Variants in RABGAP1L observed in about 807,000 individuals in gnomAD.
RABGAP1L encodes the protein RAB GTPase activating protein 1 like.
In RABGAP1L, 63 loss-of-function variants were observed where a neutral mutation model predicts 137.7. The observed-to-expected ratio is 0.46, with a 90% CI of 0.37 to 0.56. RABGAP1L has a LOEUF of 0.56. RABGAP1L is among the 20% of genes least tolerant of loss of function. The pLI is 0.00. For synonymous variants in RABGAP1L, 431 were observed against 433.7 expected (o/e 0.99, Z 0.08); for missense variants, 1,095 against 1,244.0 (o/e 0.88, Z 1.80).
At chr1:174,635,807 A>G (rs1361649011) in intron 13 of RABGAP1L, among the ~76,000 whole-genome samples, 5 of 152,230 alleles carry the variant, frequency 3.3e-5, no homozygotes, top group African/African-American at 9.6e-5. Flanking sequence ...TGAAATAGCA[A>G]CTGAAATGAA....
chr1:174,967,632 C>A (rs147183146), intron 20 of RABGAP1L, among the ~76,000 whole-genome samples: 1 of 152,086 alleles, frequency 6.6e-6, no homozygotes, highest in East Asian at 1.9e-4. Flanking sequence ...AGCCACTGTG[C>A]CCAGCTGTAC....
At chr1:174,599,259 A>G (rs1011979368) in intron 13 of RABGAP1L, among the ~76,000 whole-genome samples, 1 of 152,206 alleles carries the variant, frequency 6.6e-6, no homozygotes, top group Non-Finnish European at 1.5e-5. Flanking sequence ...CCCACTTTTT[A>G]ACTTCTTGTT....
rs1257349769 is a variant in RABGAP1L at position 174,498,049 on chromosome 1, TA to T, written c.1710+103905del. On this transcript the variant is annotated intron_variant, in intron 13 of 25. Coordinates refer to ENST00000681986, the MANE Select transcript of RABGAP1L (RefSeq NM_001366446.1). ...TAGAGGCTTATTTTAAAACAAGTTT[TA>T]TTTTTTTATTTCACATTTTTAAAGT... Among the ~76,000 whole-genome samples, 5 of 152,332 alleles carry T rather than the reference TA, an allele frequency of 3.3e-5. No individual in the cohort carries two copies. The East Asian group carries it at 9.6e-4, about 29-fold the overall frequency.
At chr1:174,339,238 C>A (rs901547217) in intron 11 of RABGAP1L, among the ~76,000 whole-genome samples, 2 of 151,960 alleles carry the variant, frequency 1.3e-5, no homozygotes, top group African/African-American at 4.8e-5. Flanking sequence ...AAACATGCAG[C>A]GCAAAAACTC....
At chr1:174,606,878 G>A (rs1012009895) in intron 13 of RABGAP1L, among the ~76,000 whole-genome samples, 3 of 152,116 alleles carry the variant, frequency 2.0e-5, no homozygotes, top group Non-Finnish European at 2.9e-5. Context: ...AACACAGCTA[G>A]CGTCTGAAGT....
At chr1:174,220,726 T>A in intron 2 of RABGAP1L, 1 of 279,940 alleles carries the variant, frequency 3.6e-6, no homozygotes. Context: ...TTATATAAAA[T>A]GTAGTTGGAA....
rs544074521 is a variant in RABGAP1L at position 174,541,987 on chromosome 1, T to C, written c.1711-95388T>C. ...AAGCTTTTTGATGTGCTGCTGGATT[T>C]GGTTTGCCAGTATTTTATTGAGGAT... On this transcript the variant is annotated intron_variant, in intron 13 of 25. Transcript: ENST00000681986. Among the ~76,000 whole-genome samples the C allele has an allele frequency of 3.0e-3, 453 of 152,312 alleles. 2 individuals are homozygous for C. The highest frequency in any genetic ancestry group is 5.7e-3 in the African/African-American group (235 of 41,570).
intron 13 of RABGAP1L, among the ~76,000 whole-genome samples, chr1:174,614,019 A>G (rs1046581322): frequency 6.6e-6 from 1 of 152,146 alleles, no homozygotes; most frequent in Non-Finnish European, 1.5e-5. Context: ...CCAATTTGCC[A>G]GTCTGTGTCT....
intron 11 of RABGAP1L, among the ~76,000 whole-genome samples, chr1:174,350,112 A>C (rs1682978321): frequency 7.9e-6 from 1 of 126,388 alleles, no homozygotes; most frequent in African/African-American, 3.1e-5. Flanking sequence ...TCCCTCCCGG[A>C]CGGCACGGCT....
intron 1 of RABGAP1L, among the ~76,000 whole-genome samples, chr1:174,201,304 C>T (rs1490560629): frequency 7.0e-6 from 1 of 143,782 alleles, no homozygotes; most frequent in Non-Finnish European, 1.5e-5. Flanking sequence ...TCAAGTGATT[C>T]TCCTGCCTCA....
rs1558136305 is a variant in RABGAP1L at position 174,327,994 on chromosome 1, T to TATATATATATACAC, written c.1465+22878_1465+22879insCACATATATATATA. Among the ~76,000 whole-genome samples, 5 of 77,394 alleles carry TATATATATATACAC rather than the reference T, an allele frequency of 6.5e-5. 1 individual carries two copies. In the East Asian group the frequency reaches 1.7e-3, roughly 27 times the overall value. The allele number at this position is 77,394 out of a possible 152,430, so 50.8% of individuals were successfully genotyped here. On this transcript the variant is annotated intron_variant, in intron 11 of 25. Coordinates refer to ENST00000681986, the MANE Select transcript of RABGAP1L (RefSeq NM_001366446.1). ...ATATATATATACACACACATATATA[T>TATATATATATACAC]ATATATATATATATATATATATATA...
chr1:174,239,240 C>A (rs553060561), intron 4 of RABGAP1L, among the ~76,000 whole-genome samples: 1 of 152,174 alleles, frequency 6.6e-6, no homozygotes, highest in African/African-American at 2.4e-5. Flanking sequence ...GCGTCGCTCA[C>A]GCTGGGAGCT....
In RABGAP1L at chr1:174,992,968, T is replaced by G. The variant is rs1672158635; in HGVS notation, c.*2967T>G. 1 of 152,248 alleles carries G rather than the reference T, an allele frequency of 6.6e-6. No homozygotes were observed. Among genetic ancestry groups the G allele is most frequent in the African/African-American group, 2.4e-5 (1 of 41,460 alleles). The allele number at this position is 152,248 out of a possible 1,614,324, so 9.4% of individuals were successfully genotyped here. On this transcript the variant is annotated 3_prime_UTR_variant, in exon 26 of 26. Coordinates refer to ENST00000681986, the MANE Select transcript of RABGAP1L (RefSeq NM_001366446.1). ...TCCTCTGAAAATCTAATATTTGCAG[T>G]ATCTAAGAATTGATCATTTCTATTT... is the stretch of plus-strand genomic sequence containing the variant.
At chr1:174,175,155 C>CACAT (rs3056993) in intron 1 of RABGAP1L, among the ~76,000 whole-genome samples, 86,657 of 151,726 alleles carry the variant, frequency 0.57, 27,070 homozygotes, top group African/African-American at 0.84. Flanking sequence ...TTGTATATGA[C>CACAT]ACAGACCAGT....
At chr1:174,304,794 G>C (rs923026401) in intron 10 of RABGAP1L, among the ~76,000 whole-genome samples, 192 bp from the exon 11 acceptor site, 8 of 152,140 alleles carry the variant, frequency 5.3e-5, no homozygotes, top group Non-Finnish European at 1.0e-4. Context: ...AATAATACTA[G>C]AGGAACATAA....
chr1:174,386,693 G>A (rs1441111002), intron 12 of RABGAP1L, among the ~76,000 whole-genome samples: 1 of 152,028 alleles, frequency 6.6e-6, no homozygotes, highest in Non-Finnish European at 1.5e-5. Flanking sequence ...ATCTTTAGTA[G>A]AGACGGAGTT....
At chr1:174,989,088 G>GT (rs1007897957) in intron 25 of RABGAP1L, among the ~76,000 whole-genome samples, 15 of 151,874 alleles carry the variant, frequency 9.9e-5, no homozygotes, top group Admixed American at 2.0e-4. Context: ...GCATATGCTT[G>GT]TTTTTTTTAC....
chr1:174,286,797 A>T (rs528046226), intron 10 of RABGAP1L, among the ~76,000 whole-genome samples: 1 of 152,070 alleles, frequency 6.6e-6, no homozygotes, highest in East Asian at 1.9e-4. Flanking sequence ...CTTTTGACCC[A>T]TTGATTGCTC....
intron 14 of RABGAP1L, among the ~76,000 whole-genome samples, chr1:174,668,400 A>G (rs1383590377): frequency 6.6e-6 from 1 of 151,966 alleles, no homozygotes; most frequent in East Asian, 1.9e-4. Context: ...CCTTAATGTA[A>G]TATCTTTTAG....
Sources: allele counts gnomAD v4.1 joint callset (sites outside exome capture counted in the v4.1 genomes callset), GRCh38; gene constraint gnomAD v4.1.1; transcripts MANE v1.5; gene names NCBI Gene and HGNC (gene_info 2026-07-23, HGNC 2026-07-21).